APOH: variants seen among roughly 807,000 people sequenced by gnomAD.
APOH encodes beta-2-glycoprotein 1.
Under a neutral mutation model 39.8 loss-of-function variants are expected in APOH, and 48 were observed. That is an observed-to-expected ratio of 1.21 (90% CI 0.96 to 1.54). The LOEUF (loss-of-function observed/expected upper bound fraction) is 1.54, where lower values mean the gene tolerates loss of function less well. Ranked by LOEUF, APOH falls within the 40% of genes most tolerant of loss-of-function variation. APOH has a pLI of 0.00. For synonymous variants in APOH, 153 were observed against 151.1 expected (o/e 1.01, Z -0.09); for missense variants, 415 against 421.2 (o/e 0.99, Z 0.13).
chr17:66,221,897 G>A (rs1305268448), intron 4 of APOH, among the ~76,000 whole-genome samples: 1 of 152,116 alleles, frequency 6.6e-6, no homozygotes, highest in Non-Finnish European at 1.5e-5. Context: ...GTGGTCCAGG[G>A]GCTAGCAGCA....
At chr17:66,214,777 A>G in intron 6 of APOH, 127 bp from the exon 7 acceptor site, 1 of 731,286 alleles carries the variant, frequency 1.4e-6, no homozygotes, top group African/African-American at 1.8e-5. Flanking sequence ...AAATCCAAGA[A>G]TATATATAGT....
rs781544022 is a variant in APOH, at chr17:66,214,474, C to CG, written c.960dup (p.Glu321ArgfsTer18). 2 of 1,613,804 alleles carry CG rather than the reference C, an allele frequency of 1.2e-6. No individual in the cohort carries two copies. The highest frequency in any genetic ancestry group is 8.5e-7 in the Non-Finnish European group (1 of 1,179,940). On this transcript the variant is annotated frameshift_variant, in exon 7 of 8. Coordinates refer to ENST00000205948, the MANE Select transcript of APOH (RefSeq NM_000042.3). LOFTEE classifies it high-confidence loss of function. Reference sequence around the variant, plus strand: ...TTACCCTTGAAGCATTTGGGGACTTCGATAGTGCCATCTATACACTGAGCA... The same window carrying CG: ...TTACCCTTGAAGCATTTGGGGACTTCGGATAGTGCCATCTATACACTGAGCA...
At chr17:66,213,541 A>T (rs1445018840) in intron 7 of APOH, among the ~76,000 whole-genome samples, 1 of 152,158 alleles carries the variant, frequency 6.6e-6, no homozygotes, top group African/African-American at 2.4e-5. Flanking sequence ...ATTATTCAAT[A>T]TTTGGTTCAT....
intron 3 of APOH, among the ~76,000 whole-genome samples, chr17:66,224,842 G>A (rs62063618): frequency 1.3e-5 from 2 of 151,810 alleles, no homozygotes; most frequent in African/African-American, 4.8e-5. Context: ...GCCAAGGAGG[G>A]TGGATCACAA....
At chr17:66,223,266 T>C (rs548381688) in intron 4 of APOH, among the ~76,000 whole-genome samples, 3 of 152,336 alleles carry the variant, frequency 2.0e-5, no homozygotes, top group African/African-American at 7.2e-5. Context: ...TTCATGTTTA[T>C]TGAATAAGTT....
chr17:66,221,308 G>A (rs1200950711), intron 4 of APOH, among the ~76,000 whole-genome samples: 27 of 123,054 alleles, frequency 2.2e-4, no homozygotes, highest in African/African-American at 8.4e-4. Context: ...AAGGGAGGGA[G>A]GGAGGGAAGA....
chr17:66,227,797 C>T (rs1458184467), intron 2 of APOH, among the ~76,000 whole-genome samples: 4 of 152,134 alleles, frequency 2.6e-5, no homozygotes, highest in Non-Finnish European at 5.9e-5. Context: ...TAAACCTACC[C>T]TAGTTTCAGG....
intron 2 of APOH, among the ~76,000 whole-genome samples, 193 bp downstream of exon 2, chr17:66,227,827 T>C (rs2073448665): frequency 2.0e-5 from 3 of 152,224 alleles, no homozygotes; most frequent in Admixed American, 1.3e-4. Flanking sequence ...TCTCCTCTTC[T>C]ATCAATAGCA....
intron 7 of APOH, among the ~76,000 whole-genome samples, chr17:66,213,750 C>T (rs1229942829): frequency 6.6e-6 from 1 of 152,028 alleles, no homozygotes; most frequent in African/African-American, 2.4e-5. Flanking sequence ...CCAGCCTTGG[C>T]AACATGGCAT....
chr17:66,221,381 G>A (rs373388327), intron 4 of APOH, among the ~76,000 whole-genome samples: 106 of 28,386 alleles, frequency 3.7e-3, no homozygotes, highest in African/African-American at 8.1e-3. Flanking sequence ...GGGAGGGAGG[G>A]AGGAAGGAAG....
chr17:66,215,271 A>G (rs574799365), intron 6 of APOH, among the ~76,000 whole-genome samples: 11 of 152,232 alleles, frequency 7.2e-5, no homozygotes, highest in Non-Finnish European at 1.0e-4. Context: ...ACCTCATTTT[A>G]GCAGAGACCA....
intron 6 of APOH, among the ~76,000 whole-genome samples, chr17:66,215,992 A>G (rs866010503): frequency 6.6e-6 from 1 of 151,836 alleles, no homozygotes; most frequent in South Asian, 2.1e-4. Flanking sequence ...CCTTGAACTC[A>G]CTCGAATGTG....
chr17:66,224,720 A>T (rs867660317), intron 3 of APOH, among the ~76,000 whole-genome samples: 10 of 128,438 alleles, frequency 7.8e-5, no homozygotes, highest in African/African-American at 2.7e-4. Context: ...AAGGAAAGGA[A>T]AGGAAAGGAA....
At chr17:66,228,344 T>A in intron 1 of APOH, 148 bp from the exon 2 acceptor site, 1 of 765,788 alleles carries the variant, frequency 1.3e-6, no homozygotes, top group Non-Finnish European at 2.1e-6. Flanking sequence ...CTATCTCATC[T>A]AATCCCCTCA....
At chr17:66,228,930 T>G (rs548178803) in intron 1 of APOH, among the ~76,000 whole-genome samples, 1 of 151,910 alleles carries the variant, frequency 6.6e-6, no homozygotes, top group Admixed American at 6.6e-5. Flanking sequence ...CCTCCCAGGT[T>G]CAAGCAATTC....
chr17:66,222,426 T>C (rs118140520), intron 4 of APOH, among the ~76,000 whole-genome samples: 5,259 of 152,270 alleles, frequency 0.035, 131 homozygotes, highest in Middle Eastern at 0.065. Flanking sequence ...AAATCTGTTT[T>C]AAGTGAAAAC....
intron 5 of APOH, among the ~76,000 whole-genome samples, chr17:66,218,225 T>G (rs182676526): frequency 3.8e-4 from 58 of 152,238 alleles, no homozygotes; most frequent in Admixed American, 3.7e-3. Context: ...CAAAAGGTGA[T>G]CTAGCACCCC....
intron 5 of APOH, among the ~76,000 whole-genome samples, chr17:66,220,353 T>C (rs2073389747): frequency 6.6e-6 from 1 of 152,238 alleles, no homozygotes; most frequent in Admixed American, 6.5e-5. Flanking sequence ...GCATTATTTA[T>C]AATTCCCTTG....
chr17:66,213,052 A>G (rs778862618), intron 7 of APOH, among the ~76,000 whole-genome samples: 2 of 152,204 alleles, frequency 1.3e-5, no homozygotes, highest in Non-Finnish European at 2.9e-5. Flanking sequence ...AACCAACCCC[A>G]TGAGGTGGGT....
Sources: gnomAD v4.1 joint callset for allele counts (sites outside exome capture counted in the v4.1 genomes callset) on GRCh38, gnomAD v4.1.1 for gene constraint, MANE v1.5 for transcripts, NCBI Gene and HGNC (gene_info 2026-07-23, HGNC 2026-07-21) for gene names.